WSCD1: variants seen among roughly 807,000 people sequenced by gnomAD.
WSCD1 encodes WSC domain sialate O sulfotransferase 1, also known as sialate:O-sulfotransferase 1.
Under a neutral mutation model 60.4 loss-of-function variants are expected in WSCD1, and 41 were observed. That is an observed-to-expected ratio of 0.68 (90% CI 0.53 to 0.88). The LOEUF (loss-of-function observed/expected upper bound fraction) is 0.88, where lower values mean the gene tolerates loss of function less well. WSCD1 is among the 40% of genes least tolerant of loss of function. WSCD1 has a pLI of 0.00. For synonymous variants in WSCD1, 361 were observed against 332.5 expected (o/e 1.09, Z -0.93); for missense variants, 784 against 796.2 (o/e 0.98, Z 0.18).
intron 5 of WSCD1, among the ~76,000 whole-genome samples, chr17:6,098,848 G>A (rs1001205607): frequency 2.0e-5 from 3 of 152,214 alleles, no homozygotes; most frequent in Non-Finnish European, 4.4e-5. Context: ...TCTCACTGGT[G>A]GCAGAGTAAG....
At chr17:6,089,587 C>T (rs926419878) in intron 3 of WSCD1, among the ~76,000 whole-genome samples, 13 of 152,132 alleles carry the variant, frequency 8.5e-5, no homozygotes, top group African/African-American at 3.1e-4. Context: ...AGCTCACGGC[C>T]GCTCACCATG....
At chr17:6,103,496 G>A (rs921033547) in intron 5 of WSCD1, among the ~76,000 whole-genome samples, 1 of 152,180 alleles carries the variant, frequency 6.6e-6, no homozygotes, top group African/African-American at 2.4e-5. Flanking sequence ...GGTGTTACCT[G>A]GGGTGGTTGG....
At chr17:6,086,114 G>A (rs1909620642) in intron 2 of WSCD1, among the ~76,000 whole-genome samples, 1 of 151,644 alleles carries the variant, frequency 6.6e-6, no homozygotes, top group Non-Finnish European at 1.5e-5. Context: ...GTGGTCCGAG[G>A]GTCTCCTGGG....
chr17:6,069,392 T>TGC (rs1597345475), upstream of WSCD1: 12 of 226,946 alleles, frequency 5.3e-5, no homozygotes, highest in African/African-American at 3.1e-4. Flanking sequence ...CCTCGGTGCG[T>TGC]GTGTGTGTGT....
At chr17:6,104,361 C>T (rs1041634428) in intron 5 of WSCD1, among the ~76,000 whole-genome samples, 15 of 152,128 alleles carry the variant, frequency 9.9e-5, no homozygotes, top group Non-Finnish European at 5.9e-5. Context: ...TGTGAGAGCC[C>T]TTAGTCATTA....
intron 8 of WSCD1, 134 bp from the exon 9 acceptor site, chr17:6,120,175 G>C (rs1418693286): frequency 7.1e-6 from 7 of 983,710 alleles, no homozygotes; most frequent in Non-Finnish European, 1.1e-5. Context: ...TCCTCCATGG[G>C]GAATGCCAGG....
chr17:6,096,219 G>A (rs1048276472), intron 5 of WSCD1, among the ~76,000 whole-genome samples: 15 of 152,278 alleles, frequency 9.9e-5, no homozygotes, highest in African/African-American at 1.7e-4. Flanking sequence ...GGTTTGAGCC[G>A]TGTGCCTGAG....
In WSCD1 at chr17:6,110,527, G is replaced by A. The variant is rs542435413; in HGVS notation, c.1010-244G>A. 1.2e-4 allele frequency among the ~76,000 whole-genome samples: 18 copies of A among 152,314 alleles called. No individual in the cohort carries two copies. The highest frequency in any genetic ancestry group is 4.1e-4 in the African/African-American group (17 of 41,570). On this transcript the variant is annotated intron_variant, in intron 6 of 8. Coordinates refer to ENST00000317744, the MANE Select transcript of WSCD1 (RefSeq NM_015253.2). This position sits in a 1 kb window ranked among gnomAD's most constrained non-coding sequence, Gnocchi z 4.8. Reference sequence around the variant, plus strand: ...AGAATGGGAGTCGAGGGTCCATAGGGTGTCTGATTCCCATCTTACTCCTGC... The same window carrying A: ...AGAATGGGAGTCGAGGGTCCATAGGATGTCTGATTCCCATCTTACTCCTGC...
intron 7 of WSCD1, among the ~76,000 whole-genome samples, chr17:6,114,898 G>T (rs956493788): frequency 1.1e-4 from 17 of 151,600 alleles, no homozygotes; most frequent in African/African-American, 3.9e-4. Context: ...GTGTCCATGT[G>T]TTCTCATTGT....
At chr17:6,111,285 C>T (rs892706563) in intron 7 of WSCD1, among the ~76,000 whole-genome samples, 1 of 152,158 alleles carries the variant, frequency 6.6e-6, no homozygotes, top group Non-Finnish European at 1.5e-5. Context: ...TGCTACCCAA[C>T]CCACACTATA....
intron 1 of WSCD1, among the ~76,000 whole-genome samples, chr17:6,073,710 G>T (rs1036419022): frequency 6.6e-6 from 1 of 152,258 alleles, no homozygotes; most frequent in East Asian, 1.9e-4. Context: ...AGTGAGAAAG[G>T]CTCCAAATCA....
chr17:6,112,698 T>C (rs1383498436), intron 7 of WSCD1, among the ~76,000 whole-genome samples: 2 of 152,090 alleles, frequency 1.3e-5, no homozygotes, highest in African/African-American at 2.4e-5. Context: ...AGCGGTACCA[T>C]TTAAATAGCT....
chr17:6,072,496 C>A (rs1421404627), intron 1 of WSCD1, among the ~76,000 whole-genome samples: 2 of 152,228 alleles, frequency 1.3e-5, no homozygotes, highest in African/African-American at 4.8e-5. Flanking sequence ...GTACTCCCAT[C>A]CAGCTCAGAC....
At chr17:6,081,615 G>T (rs1362183383) in intron 2 of WSCD1, among the ~76,000 whole-genome samples, 2 of 151,806 alleles carry the variant, frequency 1.3e-5, no homozygotes, top group Non-Finnish European at 2.9e-5. Flanking sequence ...AGAGGCTGAG[G>T]TACCAGAATC....
At chr17:6,093,762 A>G in intron 4 of WSCD1, among the ~76,000 whole-genome samples, 1 of 152,212 alleles carries the variant, frequency 6.6e-6, no homozygotes, top group Non-Finnish European at 1.5e-5. Flanking sequence ...CCTAGGAACT[A>G]CGCTGTATGT....
intron 1 of WSCD1, among the ~76,000 whole-genome samples, chr17:6,076,844 G>A (rs1276767595): frequency 6.6e-6 from 1 of 152,198 alleles, no homozygotes; most frequent in East Asian, 1.9e-4. Flanking sequence ...GAGCCCTTGT[G>A]TAGATGCTCC....
chr17:6,119,627 A>G (rs1904522560), intron 8 of WSCD1, among the ~76,000 whole-genome samples: 1 of 152,074 alleles, frequency 6.6e-6, no homozygotes, highest in African/African-American at 2.4e-5. Flanking sequence ...ACAGTCAGGC[A>G]GGCTGATCTC....
chr17:6,075,582 C>T lies in WSCD1; in HGVS notation c.-288-4789C>T, dbSNP rs1240926391. On this transcript the variant is annotated intron_variant, in intron 1 of 8. Transcript: ENST00000317744. This position sits in a 1 kb window ranked among gnomAD's most constrained non-coding sequence, Gnocchi z 4.1. The stretch of plus-strand genomic sequence containing the variant: ...AATATCCAGGTGCTCTGGGCTCCTG[C>T]TCCCTCCCTGAGACTTCCAGAAGCC... Among the ~76,000 whole-genome samples, 1 of 152,208 alleles carries T rather than the reference C, an allele frequency of 6.6e-6. No individual in the cohort carries two copies. The highest frequency in any genetic ancestry group is 2.4e-5 in the African/African-American group (1 of 41,450).
Position 6,081,033 on chromosome 17 carries a change from G to C in WSCD1, c.375G>C (p.Gln125His). 6.5e-7 allele frequency: 1 copy of C among 1,542,814 alleles called. No homozygotes were observed. The change falls in exon 2 of 9, where the codon CAG becomes CAC. Residue 125 changes from glutamine (Q) to histidine (H), a missense_variant. Gln to His is a conservative substitution (Grantham distance 24). Coordinates refer to ENST00000317744, the MANE Select transcript of WSCD1 (RefSeq NM_015253.2). ...TCCACCACTTCATGAGTGACTCCCA[G>C]GGACCGCCCGCCCTGGGCCCCGAGG... ...RWFHHFMSDS[Q>H]GPPALGPEAA...
Sources: allele counts gnomAD v4.1 joint callset (sites outside exome capture counted in the v4.1 genomes callset), GRCh38; gene constraint gnomAD v4.1.1; non-coding constraint Gnocchi (gnomAD v3.1); transcripts MANE v1.5; gene names NCBI Gene and HGNC (gene_info 2026-07-23, HGNC 2026-07-21).